Variants in LRRC27 observed in about 807,000 individuals in gnomAD.
LRRC27 encodes leucine-rich repeat-containing protein 27.
LRRC27 carries 57 observed loss-of-function variants against 55.0 expected under a neutral mutation model. The observed-to-expected ratio is 1.04, with a 90% CI of 0.84 to 1.29. The LOEUF (loss-of-function observed/expected upper bound fraction) is 1.29, where lower values mean the gene tolerates loss of function less well. Among genes scored for constraint, LRRC27 ranks in the 50% most tolerant of loss-of-function variants. LRRC27 has a pLI of 0.00. For missense variants in LRRC27, 721 were observed against 651.5 expected (o/e 1.11, Z -1.16); for synonymous variants, 278 against 251.9 (o/e 1.10, Z -0.98).
rs1564852927 is a variant in LRRC27, at chr10:132,364,376, C to CGCTTACATCTACCT, written c.1290-1048_1290-1047insGCTTACATCTACCT. Among the ~76,000 whole-genome samples the CGCTTACATCTACCT allele has an allele frequency of 1.6e-4, 20 of 124,540 alleles. 2 individuals carry two copies. The highest frequency in any genetic ancestry group is 5.5e-4 in the African/African-American group (16 of 29,302). The allele number at this position is 124,540 out of a possible 152,430, so 81.7% of individuals were successfully genotyped here. The stretch of plus-strand genomic sequence containing the variant: ...ACCTCCACACCCGCGCTTACACCCA[C>CGCTTACATCTACCT]CCACACTTACACCCACCCTTACATC... On this transcript the variant is annotated intron_variant, in intron 9 of 10. Transcript: ENST00000368614.
intron 3 of LRRC27, among the ~76,000 whole-genome samples, chr10:132,338,097 C>G (rs1365174334): frequency 2.0e-5 from 3 of 152,180 alleles, no homozygotes; most frequent in Admixed American, 1.3e-4. Flanking sequence ...GGGCAGATCA[C>G]CTGAGGTCAG....
intron 2 of LRRC27, among the ~76,000 whole-genome samples, chr10:132,335,427 G>T (rs1388848519): frequency 3.3e-5 from 5 of 151,766 alleles, no homozygotes; most frequent in Admixed American, 2.0e-4. Context: ...TTGGGTAGGG[G>T]CTGTAGGGCA....
At chr10:132,331,355 G>T, upstream of LRRC27, 2 of 1,424,744 alleles carry the variant, frequency 1.4e-6, no homozygotes, top group Non-Finnish European at 1.9e-6. Context: ...GGTTCCACAG[G>T]ACCACGCGAG....
rs1250640660 is a variant in LRRC27, at chr10:132,380,245, G to C, written c.*5003G>C. On this transcript the variant is annotated 3_prime_UTR_variant, in exon 11 of 11. Transcript: ENST00000368614. The stretch of plus-strand genomic sequence containing the variant: ...CGGAAGGCAGAGGTTGCAGTGAGCC[G>C]AGATCACGCCATTGCACTCCAGCCT... Among the ~76,000 whole-genome samples, 1 of 151,638 alleles carries C rather than the reference G, an allele frequency of 6.6e-6. No individual in the cohort carries two copies. The highest frequency in any genetic ancestry group is 2.4e-5 in the African/African-American group (1 of 41,202).
upstream of LRRC27, among the ~76,000 whole-genome samples, chr10:132,331,200 CAAAAAAAA>C (rs35734065): frequency 5.3e-5 from 3 of 56,306 alleles, no homozygotes; most frequent in South Asian, 7.7e-4. Context: ...GACTCCACCT[CAAAAAAAA>C]AAAAAAAAAA....
chr10:132,371,177 C>T (rs1162244160), intron 10 of LRRC27, among the ~76,000 whole-genome samples: 1 of 152,270 alleles, frequency 6.6e-6, no homozygotes, highest in African/African-American at 2.4e-5. Flanking sequence ...CAGTGCCGCG[C>T]ATGGCGTGGC....
chr10:132,364,417 G>C (rs61864515), intron 9 of LRRC27, among the ~76,000 whole-genome samples: 4 of 6,992 alleles, frequency 5.7e-4, no homozygotes, highest in Non-Finnish European at 1.4e-3. Context: ...CCACACCCGC[G>C]CTTACACCCA....
In LRRC27 at chr10:132,365,555, G is replaced by C; in HGVS notation, c.1416+5G>C. 6.2e-7 allele frequency: 1 copy of C among 1,612,374 alleles called. No homozygotes were observed. The highest frequency in any genetic ancestry group is 1.1e-5 in the South Asian group (1 of 90,892). On this transcript the variant is annotated splice_donor_5th_base_variant and intron_variant, in intron 10 of 10. Transcript: ENST00000368614. ...GCTGCCGAGGATCTGGAAATTGTAA[G>C]GATTTCTTGGTTCTGTTTAAAAAAG...
Position 132,333,486 on chromosome 10 carries a change from G to T in LRRC27, c.-39G>T. On this transcript the variant is annotated 5_prime_UTR_variant, in exon 2 of 11. Coordinates refer to ENST00000368614, the MANE Select transcript of LRRC27 (RefSeq NM_030626.3). ...TTTCCCGTGTCTCCAGGTGACTCCA[G>T]ACCAAGGAGGATGAGCTGCTGTCCC... is the stretch of plus-strand genomic sequence containing the variant. The T allele has an allele frequency of 1.3e-6, 2 of 1,525,148 alleles. No individual in the cohort carries two copies. Among genetic ancestry groups the T allele is most frequent in the South Asian group, 2.5e-5 (2 of 79,608 alleles). 94.5% of individuals were successfully genotyped at this position (1,525,148 alleles called of 1,614,324 possible).
intron 5 of LRRC27, 123 bp from the exon 6 acceptor site, chr10:132,347,861 G>C: frequency 1.7e-6 from 2 of 1,212,082 alleles, no homozygotes; most frequent in Non-Finnish European, 2.3e-6. Context: ...GACAGGGAAC[G>C]TGGCAGCCAT....
In LRRC27 at chr10:132,361,481, A is replaced by G; in HGVS notation, c.1195A>G (p.Thr399Ala). 1.2e-6 allele frequency: 2 copies of G among 1,613,668 alleles called. No individual in the cohort carries two copies. The highest frequency in any genetic ancestry group is 2.7e-5 in the African/African-American group (2 of 75,056). The change falls in exon 9 of 11, where the codon ACA becomes GCA. Residue 399 changes from threonine to alanine, a missense_variant. Physicochemically the swap from Thr to Ala is moderately conservative, Grantham distance 58 (BLOSUM62 0). Transcript: ENST00000368614. ...GGTGGCATCAAAGATTCCCTCTGCC[A>G]CAGATCTGATAGATAACAGGAAAGT... ...SMVASKIPSA[T>A]DLIDNRKVPL...
upstream of LRRC27, chr10:132,332,084 C>T (rs2066795829): frequency 3.8e-6 from 1 of 261,156 alleles, no homozygotes; most frequent in East Asian, 7.6e-5. Flanking sequence ...CGCGCAGGCG[C>T]ACCACACCCC....
chr10:132,339,448 C>T (rs904842981), intron 3 of LRRC27, among the ~76,000 whole-genome samples: 1 of 152,218 alleles, frequency 6.6e-6, no homozygotes, highest in African/African-American at 2.4e-5. Context: ...CCCGGTGCAT[C>T]TCCATGGGGC....
chr10:132,338,779 G>A (rs1246736597), intron 3 of LRRC27, among the ~76,000 whole-genome samples: 4 of 147,488 alleles, frequency 2.7e-5, no homozygotes, highest in African/African-American at 1.0e-4. Context: ...GCGTGATCTC[G>A]GCTCACTGCA....
rs1248490158 is a variant in LRRC27, at chr10:132,372,451, CCAGCTACG to C, written c.1417-2611_1417-2604del. ...GGCACAGTGGTGTGCACCTGTAATC[CCAGCTACG>C]CAGGAGACAAAGGCCGGAGAATCGC... On this transcript the variant is annotated intron_variant, in intron 10 of 10. Transcript: ENST00000368614. The surrounding 1 kb of genome is among the most constrained non-coding windows in gnomAD (Gnocchi z 4.0). Among the ~76,000 whole-genome samples, 7 of 152,206 alleles carry C rather than the reference CCAGCTACG, an allele frequency of 4.6e-5. No homozygotes were observed. The highest frequency in any genetic ancestry group is 3.9e-4 in the Admixed American group (6 of 15,288).
In LRRC27 at chr10:132,375,875, G is replaced by T. The variant is rs913375247; in HGVS notation, c.*633G>T. On this transcript the variant is annotated 3_prime_UTR_variant, in exon 11 of 11. Transcript: ENST00000368614. ...GACTCCACCCCAGGGACACGGCAGG[G>T]TCTGCAGACCTCCCCATGCTAGATC... 6.6e-6 allele frequency: 1 copy of T among 152,354 alleles called. No individual in the cohort carries two copies. The highest frequency in any genetic ancestry group is 1.5e-5 in the Non-Finnish European group (1 of 68,176). The allele number at this position is 152,354 out of a possible 1,614,324, so 9.4% of individuals were successfully genotyped here. A position where few individuals can be genotyped will look rare whatever the true frequency, so the allele number is the denominator to read the frequency against.
At position 132,344,568 on chromosome 10, in the gene LRRC27, G is replaced by C. The variant is rs746456287; in HGVS notation, c.471G>C (p.Val157=). Residue 157 remains valine (V), a synonymous_variant, in exon 5 of 11, where the codon GTG becomes GTC. Coordinates refer to ENST00000368614, the MANE Select transcript of LRRC27 (RefSeq NM_030626.3). ...CPLEFPPQLV[V]QKGLVAIQRF... ...TGGAATTCCCTCCTCAGCTCGTTGT[G>C]CAGAAGGGATTGGTGGCTATCCAGC... The C allele has an allele frequency of 6.2e-7, 1 of 1,614,168 alleles. No individual in the cohort carries two copies. The highest frequency in any genetic ancestry group is 2.2e-5 in the East Asian group (1 of 44,892).
intron 10 of LRRC27, chr10:132,366,657 C>A: frequency 4.8e-6 from 1 of 210,510 alleles, no homozygotes; most frequent in South Asian, 6.4e-5. Context: ...CCCAAGGCCC[C>A]TGGCTGGTGG....
At position 132,355,893 on chromosome 10, in the gene LRRC27, C is replaced by A; in HGVS notation, c.1170+7C>A. ...GCCTCCGCGGAGGAGCATGGTACGG[C>A]ACGCGCGGGCGGTGACCGGGCACTA... On this transcript the variant is annotated splice_region_variant and intron_variant, in intron 8 of 10. Transcript: ENST00000368614. The A allele has an allele frequency of 6.5e-7, 1 of 1,547,420 alleles. No individual in the cohort carries two copies. Among genetic ancestry groups the A allele is most frequent in the Non-Finnish European group, 8.7e-7 (1 of 1,143,698 alleles).
Sources: gnomAD v4.1 joint callset for allele counts (sites outside exome capture counted in the v4.1 genomes callset) on GRCh38, gnomAD v4.1.1 for gene constraint, Gnocchi (gnomAD v3.1) non-coding constraint, MANE v1.5 for transcripts, NCBI Gene and HGNC (gene_info 2026-07-23, HGNC 2026-07-21) for gene names.